FHIT: variants seen among roughly 807,000 people sequenced by gnomAD.
FHIT encodes the protein bis(5'-adenosyl)-triphosphatase.
FHIT carries 19 observed loss-of-function variants against 17.9 expected under a neutral mutation model. The ratio of observed to expected loss-of-function variants is 1.06; its 90% confidence interval spans 0.74 to 1.56. The LOEUF (loss-of-function observed/expected upper bound fraction) is 1.56. Among genes scored for constraint, FHIT ranks in the 40% most tolerant of loss-of-function variants. The probability of loss-of-function intolerance (pLI) is 0.00; values close to 1 mark genes in which losing one functional copy is unlikely to be tolerated. For synonymous variants in FHIT, 81 were observed against 69.7 expected (o/e 1.16, Z -0.81); for missense variants, 248 against 189.2 (o/e 1.31, Z -1.82).
intron 4 of FHIT, among the ~76,000 whole-genome samples, chr3:60,701,075 C>T (rs1029007060): frequency 2.6e-4 from 39 of 150,938 alleles, no homozygotes; most frequent in African/African-American, 8.8e-4. Context: ...ATTTTCATAG[C>T]ATCTTTTATT....
chr3:60,102,306 T>C (rs777482867), intron 5 of FHIT, among the ~76,000 whole-genome samples: 1 of 152,180 alleles, frequency 6.6e-6, no homozygotes, highest in Non-Finnish European at 1.5e-5. Context: ...TACAGCTGCA[T>C]TGCACAGAAG....
At chr3:60,800,689 A>T (rs1701155368) in intron 4 of FHIT, among the ~76,000 whole-genome samples, 1 of 152,220 alleles carries the variant, frequency 6.6e-6, no homozygotes, top group African/African-American at 2.4e-5. Flanking sequence ...ATGAGGGAGT[A>T]GGATGGGCCA....
At chr3:60,185,598 T>G (rs56764961) in intron 5 of FHIT, among the ~76,000 whole-genome samples, 5,647 of 152,272 alleles carry the variant, frequency 0.037, 312 homozygotes, top group African/African-American at 0.13. Flanking sequence ...CAGGGTTTTC[T>G]AATTTCATAA....
chr3:60,024,791 T>G lies in FHIT; in HGVS notation c.104-10639A>C, dbSNP rs534424037. 2.6e-3 allele frequency among the ~76,000 whole-genome samples: 391 copies of G among 152,290 alleles called. 2 individuals carry two copies. The highest frequency in any genetic ancestry group is 8.6e-3 in the African/African-American group (359 of 41,558). On this transcript the variant is annotated intron_variant, in intron 5 of 9. Coordinates refer to ENST00000492590, the MANE Select transcript of FHIT (RefSeq NM_002012.4). ...GTCTAACTGGATCTTCAGGAAAGAG[T>G]GCAGGCCCTTGATAGCCTTGGTCAG...
chr3:61,082,343 C>G (rs2035166015), intron 2 of FHIT, among the ~76,000 whole-genome samples: 1 of 152,204 alleles, frequency 6.6e-6, no homozygotes, highest in South Asian at 2.1e-4. Context: ...TGGTAACATT[C>G]AGCACATGCT....
chr3:60,817,912 T>G (rs1373020205), intron 4 of FHIT, among the ~76,000 whole-genome samples: 3 of 152,110 alleles, frequency 2.0e-5, no homozygotes, highest in African/African-American at 7.2e-5. Context: ...CACAGGTCCC[T>G]GAGTCTCTGT....
At chr3:60,060,995 G>C (rs1002362103) in intron 5 of FHIT, among the ~76,000 whole-genome samples, 21 of 152,200 alleles carry the variant, frequency 1.4e-4, no homozygotes, top group African/African-American at 4.8e-4. Context: ...GAAGGACTTT[G>C]TTTATAGTGG....
intron 5 of FHIT, among the ~76,000 whole-genome samples, chr3:60,347,072 T>G (rs970570083): frequency 0.01 from 1 of 96 alleles, no homozygotes; most frequent in South Asian, 0.25. Context: ...ATTCTTGAAT[T>G]TTTTTTTTCC....
In FHIT at chr3:61,063,276, T is replaced by C. The variant is rs577283950; in HGVS notation, c.-163-21177A>G. Among the ~76,000 whole-genome samples, 21 of 95,056 alleles carry C rather than the reference T, an allele frequency of 2.2e-4. No individual in the cohort carries two copies. In the South Asian group the frequency reaches 5.4e-3, roughly 24 times the overall value. 62.4% of individuals were successfully genotyped at this position (95,056 alleles called of 152,430 possible). ...GTCTCAAAAAAAAAAAAGATTAGTTTTAAGTGAACCATGTACTAGTTCTCA... is the reference window on the plus strand; with the variant it reads ...GTCTCAAAAAAAAAAAAGATTAGTTCTAAGTGAACCATGTACTAGTTCTCA... On this transcript the variant is annotated intron_variant, in intron 2 of 9. Transcript: ENST00000492590.
chr3:61,154,956 C>T (rs1232924293), intron 2 of FHIT, among the ~76,000 whole-genome samples: 1 of 152,180 alleles, frequency 6.6e-6, no homozygotes, highest in Non-Finnish European at 1.5e-5. Flanking sequence ...AAGGGAGGAC[C>T]CGACAGGCCC....
intron 3 of FHIT, among the ~76,000 whole-genome samples, chr3:60,984,825 T>C (rs1477305161): frequency 6.6e-6 from 1 of 152,056 alleles, no homozygotes; most frequent in African/African-American, 2.4e-5. Flanking sequence ...TGCATATACA[T>C]GTATTTCTTT....
At position 60,109,691 on chromosome 3, in the gene FHIT, T is replaced by C. The variant is rs111354230; in HGVS notation, c.104-95539A>G. Among the ~76,000 whole-genome samples, 581 of 152,252 alleles carry C rather than the reference T, an allele frequency of 3.8e-3. 2 individuals are homozygous for C. The highest frequency in any genetic ancestry group is 5.3e-3 in the Non-Finnish European group (360 of 68,020). ...CCTAAGTATCCTATAGTACTGAGAC[T>C]TACCAAGAAGAAAAGGTGAAAATGG... On this transcript the variant is annotated intron_variant, in intron 5 of 9. Transcript: ENST00000492590.
intron 8 of FHIT, among the ~76,000 whole-genome samples, chr3:59,891,643 G>A (rs1703860410): frequency 1.3e-5 from 2 of 152,196 alleles, no homozygotes; most frequent in Non-Finnish European, 2.9e-5. Flanking sequence ...GGTCTGGAGT[G>A]GGCCTTTGTG....
At chr3:59,899,660 C>T (rs1704234435) in intron 8 of FHIT, among the ~76,000 whole-genome samples, 1 of 151,704 alleles carries the variant, frequency 6.6e-6, no homozygotes, top group Non-Finnish European at 1.5e-5. Flanking sequence ...ATGGCGAAAC[C>T]CCGTCTGTAC....
intron 3 of FHIT, among the ~76,000 whole-genome samples, chr3:60,895,698 C>A (rs1705767303): frequency 7.0e-6 from 1 of 142,088 alleles, no homozygotes; most frequent in Non-Finnish European, 1.5e-5. Context: ...TTCTTTCTTT[C>A]TTTCTTTCTT....
At chr3:60,686,399 G>A (rs2040862977) in intron 4 of FHIT, among the ~76,000 whole-genome samples, 1 of 152,104 alleles carries the variant, frequency 6.6e-6, no homozygotes, top group Admixed American at 6.6e-5. Context: ...GTAATGAAAA[G>A]TAATTGCAAA....
chr3:60,120,193 G>A (rs954316015), intron 5 of FHIT, among the ~76,000 whole-genome samples: 6 of 152,192 alleles, frequency 3.9e-5, no homozygotes, highest in African/African-American at 1.4e-4. Context: ...AGTCTTGCCT[G>A]ATGTATGCCT....
intron 8 of FHIT, among the ~76,000 whole-genome samples, chr3:59,862,342 T>A (rs1373753036): frequency 6.6e-6 from 1 of 152,172 alleles, no homozygotes; most frequent in Non-Finnish European, 1.5e-5. Flanking sequence ...CTCCCATGAT[T>A]CCCACCAGGT....
chr3:60,530,825 T>C (rs920842767), intron 5 of FHIT, among the ~76,000 whole-genome samples: 2 of 152,248 alleles, frequency 1.3e-5, no homozygotes, highest in African/African-American at 4.8e-5. Flanking sequence ...CAACTTTGAA[T>C]GATGACAGCA....
Sources: allele counts gnomAD v4.1 joint callset (sites outside exome capture counted in the v4.1 genomes callset), GRCh38; gene constraint gnomAD v4.1.1; transcripts MANE v1.5; gene names NCBI Gene and HGNC (gene_info 2026-07-23, HGNC 2026-07-21).